The following ZNF782 variants were observed in gnomAD, a reference collection of about 807,000 sequenced individuals.
ZNF782 encodes the protein zinc finger protein 782.
In ZNF782, 12 loss-of-function variants were observed where a neutral mutation model predicts 13.0. The ratio of observed to expected loss-of-function variants is 0.92; its 90% CI spans 0.59 to 1.50. ZNF782 has a LOEUF of 1.50. Ranked by LOEUF, ZNF782 falls within the 40% of genes most tolerant of loss-of-function variation. The pLI is 0.00. For synonymous variants in ZNF782, 284 were observed against 283.0 expected (o/e 1.00, Z -0.04); for missense variants, 770 against 822.9 (o/e 0.94, Z 0.79).
At chr9:96,932,874 C>T in the ZNF782 span, among the ~76,000 whole-genome samples, 1 of 151,826 alleles carries the variant, frequency 6.6e-6, no homozygotes, top group African/African-American at 2.4e-5. Flanking sequence ...GTCTTGAACT[C>T]CCGACCTCAG....
At chr9:96,890,180 G>C in the ZNF782 span, 1 of 152,370 alleles carries the variant, frequency 6.6e-6, no homozygotes, top group Non-Finnish European at 1.5e-5. Flanking sequence ...GGGGGTGTGT[G>C]CAACGCAGAG....
At position 96,839,049 on chromosome 9, in the gene ZNF782, G is replaced by C. The variant is rs1312952856; in HGVS notation, c.142+5841C>G. ...ACTTTTTACTGTCAGTTGGTAGGAA[G>C]AGTCCTGGCTTACCACTAGGCCTCA... On this transcript the variant is annotated intron_variant, in intron 4 of 5. Coordinates refer to ENST00000481138, the MANE Select transcript of ZNF782 (RefSeq NM_001001662.3). Among the ~76,000 whole-genome samples, 4 of 152,086 alleles carry C rather than the reference G, an allele frequency of 2.6e-5. 1 individual carries two copies. The highest frequency in any genetic ancestry group is 5.9e-5 in the Non-Finnish European group (4 of 67,998).
intron 5 of ZNF782, among the ~76,000 whole-genome samples, chr9:96,823,694 C>T (rs954610593): frequency 7.2e-5 from 11 of 152,242 alleles, no homozygotes; most frequent in African/African-American, 2.6e-4. Flanking sequence ...CAATTCATAA[C>T]CGTATTTTGA....
the ZNF782 span, among the ~76,000 whole-genome samples, chr9:96,917,909 T>C: frequency 7.2e-4 from 108 of 150,064 alleles, no homozygotes; most frequent in African/African-American, 2.1e-3. Flanking sequence ...TGTGTGTGTG[T>C]GTGTGTGTGT....
chr9:96,899,742 A>G, the ZNF782 span, among the ~76,000 whole-genome samples: 2 of 152,190 alleles, frequency 1.3e-5, no homozygotes, highest in African/African-American at 2.4e-5. Context: ...CCAACTCTCA[A>G]TAATGAACCT....
At chr9:96,927,464 T>G in the ZNF782 span, among the ~76,000 whole-genome samples, 1 of 151,958 alleles carries the variant, frequency 6.6e-6, no homozygotes, top group Non-Finnish European at 1.5e-5. Flanking sequence ...CTTCCTTTCA[T>G]CAAATCAGCC....
chr9:96,892,534 A>G, the ZNF782 span: 2 of 152,364 alleles, frequency 1.3e-5, no homozygotes, highest in East Asian at 3.9e-4. Flanking sequence ...GGACCGGCTG[A>G]GCAGCGTCAG....
At chr9:96,891,085 G>A in the ZNF782 span, 1 of 152,178 alleles carries the variant, frequency 6.6e-6, no homozygotes, top group Admixed American at 6.5e-5. Flanking sequence ...CAAATTCATA[G>A]AGGCAGAAAG....
the ZNF782 span, chr9:96,894,483 C>A: frequency 6.6e-6 from 1 of 152,190 alleles, no homozygotes; most frequent in Non-Finnish European, 1.5e-5. Flanking sequence ...AAGCCAGAAT[C>A]TTTCCTTACT....
the ZNF782 span, among the ~76,000 whole-genome samples, chr9:96,910,646 C>CT: frequency 1.7e-4 from 26 of 149,376 alleles, no homozygotes; most frequent in Non-Finnish European, 3.9e-4. Flanking sequence ...TTTCTTTTTT[C>CT]TTTTTTTTGA....
At chr9:96,907,267 G>A in the ZNF782 span, among the ~76,000 whole-genome samples, 3 of 152,238 alleles carry the variant, frequency 2.0e-5, no homozygotes, top group Admixed American at 6.5e-5. Context: ...AATACTATAT[G>A]ATTACTTATA....
intron 1 of ZNF782, among the ~76,000 whole-genome samples, chr9:96,874,932 C>G (rs1443738558): frequency 6.6e-6 from 1 of 152,220 alleles, no homozygotes; most frequent in Non-Finnish European, 1.5e-5. Flanking sequence ...TCGTGTGACC[C>G]AACGGATCTG....
chr9:96,907,944 A>T, the ZNF782 span, among the ~76,000 whole-genome samples: 1 of 151,848 alleles, frequency 6.6e-6, no homozygotes, highest in Non-Finnish European at 1.5e-5. Flanking sequence ...CCCGGCCTTG[A>T]TAGTGTCTTA....
chr9:96,931,944 A>C, the ZNF782 span: 1 of 1,611,858 alleles, frequency 6.2e-7, no homozygotes, highest in Non-Finnish European at 8.5e-7. Flanking sequence ...GGGGCTTCCA[A>C]CGTCTTTGTC....
At chr9:96,821,555 AT>A (rs766568849) in intron 5 of ZNF782, among the ~76,000 whole-genome samples, 69 of 152,162 alleles carry the variant, frequency 4.5e-4, no homozygotes, top group Non-Finnish European at 4.6e-4. Flanking sequence ...GACACTCATG[AT>A]TTTTTAAGAA....
rs1258297272 is a variant in ZNF782, at chr9:96,870,402, C to A, written c.-457+5066G>T. On this transcript the variant is annotated intron_variant, in intron 1 of 5. Transcript: ENST00000498811. ...TGAGGGGTTATATAACATCTGAACC[C>A]CTCATCAAAAAAGACAGGAAAATAT... Among the ~76,000 whole-genome samples the A allele has an allele frequency of 5.3e-5, 8 of 151,956 alleles. 1 individual carries two copies. Among genetic ancestry groups the A allele is most frequent in the Admixed American group, 4.6e-4 (7 of 15,250 alleles).
chr9:96,848,827 T>C (rs1425348418), intron 3 of ZNF782, among the ~76,000 whole-genome samples: 1 of 152,148 alleles, frequency 6.6e-6, no homozygotes, highest in East Asian at 1.9e-4. Flanking sequence ...AAAACAATCC[T>C]AAAATTCATA....
intron 2 of ZNF782, chr9:96,861,405 A>G (rs1002491184): frequency 3.3e-5 from 5 of 152,372 alleles, no homozygotes; most frequent in East Asian, 3.9e-4. Context: ...AAATCTAATC[A>G]TCTGATTTTT....
At chr9:96,866,557 T>C (rs1173947917) in intron 1 of ZNF782, among the ~76,000 whole-genome samples, 2 of 152,044 alleles carry the variant, frequency 1.3e-5, no homozygotes, top group South Asian at 2.1e-4. Flanking sequence ...GGAAGGGAAA[T>C]GTGGGGTCGG....
Sources: gnomAD v4.1 joint callset for allele counts (sites outside exome capture counted in the v4.1 genomes callset) on GRCh38, gnomAD v4.1.1 for gene constraint, MANE v1.5 for transcripts, NCBI Gene and HGNC (gene_info 2026-07-23, HGNC 2026-07-21) for gene names.